FAXDC2: variants seen among roughly 807,000 people sequenced by gnomAD.
FAXDC2 encodes fatty acid hydroxylase domain-containing protein 2.
In FAXDC2, 41 loss-of-function variants were observed where a neutral mutation model predicts 40.9. The ratio of observed to expected loss-of-function variants is 1.00; its 90% CI spans 0.78 to 1.30. The LOEUF (loss-of-function observed/expected upper bound fraction) is 1.30. Ranked by LOEUF, FAXDC2 falls within the 50% of genes most tolerant of loss-of-function variation. The pLI is 0.00. For missense variants in FAXDC2, 390 were observed against 408.8 expected (o/e 0.95, Z 0.40); for synonymous variants, 157 against 149.3 (o/e 1.05, Z -0.38).
At position 154,834,932 on chromosome 5, in the gene FAXDC2, C is replaced by T. The variant is rs1582532234; in HGVS notation, c.51G>A (p.Glu17=). 1 of 1,590,926 alleles carries T rather than the reference C, an allele frequency of 6.3e-7. No homozygotes were observed. The highest frequency in any genetic ancestry group is 1.1e-5 in the South Asian group (1 of 88,160). Residue 17 remains glutamate, a splice_region_variant and synonymous_variant, in exon 3 of 9, where the codon GAG becomes GAA. Transcript: ENST00000326080. ...TCCTCATAGAGCCCCAGATGTGTCC[C>T]TCCTGGAGGAGGGCAGGGAAGTGTC... ...HMLHNEKSKQ[E]GHIWGSMRRT... is the part of the protein sequence containing the mutation.
chr5:154,823,331 CAGTG>C (rs1759934086), intron 6 of FAXDC2, 52 bp downstream of exon 6: 1 of 1,530,994 alleles, frequency 6.5e-7, no homozygotes, highest in Non-Finnish European at 9.0e-7. Flanking sequence ...CCTTGTTGAT[CAGTG>C]AGCCCTAGAC....
Position 154,822,358 on chromosome 5 carries a change from T to C in FAXDC2, c.678+114A>G, listed in dbSNP as rs1340656908. The C allele has an allele frequency of 9.6e-6, 7 of 730,836 alleles. No homozygotes were observed. The East Asian group carries it at 1.7e-4, about 18-fold the overall frequency. The allele number at this position is 730,836 out of a possible 1,614,324, so 45.3% of individuals were successfully genotyped here. On this transcript the variant is annotated intron_variant, in intron 7 of 8. Transcript: ENST00000326080. The stretch of plus-strand genomic sequence containing the variant: ...GAAGGCTGACAATAAATGGTAGCTA[T>C]TTTTAAATGGGAAGAAAAAGGGCCG...
At chr5:154,850,379 T>C (rs1760700182) in intron 1 of FAXDC2, 104 bp downstream of exon 1, 1 of 152,190 alleles carries the variant, frequency 6.6e-6, no homozygotes, top group Admixed American at 6.6e-5. Context: ...GAGGACAGGG[T>C]GGTGGCAGAG....
chr5:154,833,914 TGCCTCA>T (rs992789989), intron 4 of FAXDC2, among the ~76,000 whole-genome samples: 2 of 151,928 alleles, frequency 1.3e-5, no homozygotes, highest in Non-Finnish European at 2.9e-5. Flanking sequence ...GTGATCCACC[TGCCTCA>T]GCCTCCCAAG....
chr5:154,834,790 C>T (rs1582531996), intron 3 of FAXDC2, 53 bp downstream of exon 3: 1 of 1,592,126 alleles, frequency 6.3e-7, no homozygotes. Flanking sequence ...TTCCCCTATG[C>T]TCTGCCCCCG....
chr5:154,839,482 A>G (rs1760431028), intron 1 of FAXDC2, among the ~76,000 whole-genome samples: 1 of 149,918 alleles, frequency 6.7e-6, no homozygotes, highest in Admixed American at 6.6e-5. Context: ...TGTCTCTACA[A>G]AAAATAAAAA....
chr5:154,834,538 G>A (rs1476323000), intron 4 of FAXDC2, 87 bp downstream of exon 4: 1 of 992,638 alleles, frequency 1.0e-6, no homozygotes, highest in African/African-American at 1.6e-5. Context: ...AAACTGAAAA[G>A]TCCCAAAGTA....
chr5:154,820,948 G>GAGAT, intron 8 of FAXDC2: 1 of 328,630 alleles, frequency 3.0e-6, no homozygotes, highest in Non-Finnish European at 5.8e-6. Context: ...GGGGCTTTCA[G>GAGAT]AGATACATGA....
intron 1 of FAXDC2, among the ~76,000 whole-genome samples, chr5:154,849,277 C>G (rs1760678290): frequency 6.6e-6 from 1 of 151,840 alleles, no homozygotes; most frequent in Non-Finnish European, 1.5e-5. Context: ...GAGATTCCAT[C>G]TCAAAAAACA....
At chr5:154,841,739 CT>C (rs796908969) in intron 1 of FAXDC2, among the ~76,000 whole-genome samples, 386 of 139,184 alleles carry the variant, frequency 2.8e-3, no homozygotes, top group Admixed American at 3.0e-3. Flanking sequence ...AAGTCATATT[CT>C]TTTTTTTTTT....
At position 154,822,482 on chromosome 5, in the gene FAXDC2, A is replaced by G. The variant is rs1045143928; in HGVS notation, c.668T>C (p.Ile223Thr). Reference protein sequence around the residue: ...IGVISLYAHPIEHAVSNMLPV... With the variant: ...IGVISLYAHPTEHAVSNMLPV... ...TAGAGCTCTACTCACTGCATGCTCT[A>G]TAGGGTGGGCATAGAGAGAGATCAC... The change falls in exon 7 of 9, where the codon ATA (isoleucine) becomes ACA (threonine). Residue 223 changes from isoleucine to threonine, a missense_variant. Physicochemically the swap from Ile to Thr is moderately conservative, Grantham distance 89 (BLOSUM62 -1). Transcript: ENST00000326080. 15 of 1,612,226 alleles carry G rather than the reference A, an allele frequency of 9.3e-6. No individual in the cohort carries two copies. The highest frequency in any genetic ancestry group is 4.0e-5 in the African/African-American group (3 of 74,874).
intron 5 of FAXDC2, chr5:154,824,257 C>T: frequency 1.8e-6 from 1 of 554,960 alleles, no homozygotes. Flanking sequence ...GCCAATATTT[C>T]CCCCAGAATC....
chr5:154,827,421 T>TTG (rs10528622), intron 5 of FAXDC2, among the ~76,000 whole-genome samples: 9,076 of 138,578 alleles, frequency 0.065, 413 homozygotes, highest in African/African-American at 0.13. Context: ...TTCTGTTATT[T>TTG]TGTGTGTGTG....
In FAXDC2 at chr5:154,834,677, C is replaced by A. The variant is rs200222935; in HGVS notation, c.192G>T (p.Trp64Cys). 138 of 1,613,480 alleles carry A rather than the reference C, an allele frequency of 8.6e-5. 1 individual carries two copies. In the East Asian group the frequency reaches 2.0e-3, roughly 23 times the overall value. Reference sequence around the variant, plus strand: ...CTTCAAATGTAGTCAGCAGCCTCTCCCACTGGGCTTGCCAAAAGTAGCCAG... The same window carrying A: ...CTTCAAATGTAGTCAGCAGCCTCTCACACTGGGCTTGCCAAAAGTAGCCAG... ...GASGYFWQAQ[W>C]ERLLTTFEGK... is the part of the protein sequence containing the mutation. Residue 64 changes from tryptophan (W) to cysteine (C), a missense_variant, in exon 4 of 9, where the codon TGG becomes TGT. Transcript: ENST00000326080.
At chr5:154,822,188 T>C in intron 7 of FAXDC2, 4 of 261,734 alleles carry the variant, frequency 1.5e-5, no homozygotes, top group Admixed American at 5.2e-5. Flanking sequence ...AGCCCAGGGG[T>C]TGGAGGCTGC....
intron 4 of FAXDC2, among the ~76,000 whole-genome samples, chr5:154,831,943 C>T (rs1760203139): frequency 6.6e-6 from 1 of 151,830 alleles, no homozygotes; most frequent in Non-Finnish European, 1.5e-5. Flanking sequence ...TAGAGTATTT[C>T]CATATAATGG....
intron 1 of FAXDC2, among the ~76,000 whole-genome samples, chr5:154,839,459 C>T (rs1333720113): frequency 6.6e-6 from 1 of 151,042 alleles, no homozygotes; most frequent in Non-Finnish European, 1.5e-5. Flanking sequence ...CCTGGGCAAA[C>T]ATAGAGACAC....
chr5:154,831,727 T>C (rs1760197319), intron 4 of FAXDC2, among the ~76,000 whole-genome samples: 1 of 152,024 alleles, frequency 6.6e-6, no homozygotes, highest in Non-Finnish European at 1.5e-5. Context: ...GCCAGCACTG[T>C]AGGGGAGTAG....
rs755629853 is a variant in FAXDC2 at position 154,834,864 on chromosome 5, G to GCCACAAATGAGAGAAGT, written c.102_118dup (p.Ala40AspfsTer12). On this transcript the variant is annotated frameshift_variant, in exon 3 of 9. Coordinates refer to ENST00000326080, the MANE Select transcript of FAXDC2 (RefSeq NM_032385.5). LOFTEE classifies it high-confidence loss of function. ...TTACCATGTCACTGAGTTCCAGAAG[G>GCCACAAATGAGAGAAGT]CCACAAATGAGAGAAGTCCAGAGCC... is the stretch of plus-strand genomic sequence containing the variant. 1 of 1,611,238 alleles carries GCCACAAATGAGAGAAGT rather than the reference G, an allele frequency of 6.2e-7. No homozygotes were observed. The highest frequency in any genetic ancestry group is 1.7e-4 in the Middle Eastern group (1 of 6,060).
Sources: gnomAD v4.1 joint callset for allele counts (sites outside exome capture counted in the v4.1 genomes callset) on GRCh38, gnomAD v4.1.1 for gene constraint, MANE v1.5 for transcripts, NCBI Gene and HGNC (gene_info 2026-07-23, HGNC 2026-07-21) for gene names.